Variants in ARID3A observed in about 807,000 individuals in gnomAD.
ARID3A encodes the protein AT-rich interactive domain-containing protein 3A.
In ARID3A, 11 loss-of-function variants were observed where a neutral mutation model predicts 52.7. The ratio of observed to expected loss-of-function variants is 0.21; its 90% CI spans 0.13 to 0.35. The LOEUF (loss-of-function observed/expected upper bound fraction) is 0.35. Ranked by LOEUF, ARID3A falls within the 10% of genes least tolerant of loss-of-function variation. ARID3A has a pLI of 1.00. For missense variants in ARID3A, 721 were observed against 838.5 expected (o/e 0.86, Z 1.73); for synonymous variants, 404 against 359.4 (o/e 1.12, Z -1.40).
At chr19:948,702 C>CTT (rs35592836) in intron 3 of ARID3A, among the ~76,000 whole-genome samples, 2,416 of 77,106 alleles carry the variant, frequency 0.031, 70 homozygotes, top group Admixed American at 0.051. Context: ...GGCCTGGAGT[C>CTT]TTTTTTTTTT....
chr19:950,617 G>A (rs944010919), intron 3 of ARID3A, among the ~76,000 whole-genome samples: 1 of 152,186 alleles, frequency 6.6e-6, no homozygotes, highest in Admixed American at 6.5e-5. Context: ...GAGCAGTAGG[G>A]AGCCACGGTT....
At chr19:930,602 C>G (rs140069627) in intron 2 of ARID3A, among the ~76,000 whole-genome samples, 1 of 149,796 alleles carries the variant, frequency 6.7e-6, no homozygotes, top group East Asian at 2.1e-4. Flanking sequence ...CTCCTCCTCC[C>G]GGGTTCACAC....
rs925555119 is a variant in ARID3A at position 930,782 on chromosome 19, T to G, written c.368+886T>G. 5.2e-4 allele frequency among the ~76,000 whole-genome samples: 78 copies of G among 151,048 alleles called. 1 individual carries two copies. Among genetic ancestry groups the G allele is most frequent in the South Asian group, 3.0e-3 (14 of 4,660 alleles). ...CCTTGGCCTCCCAAAGTGCTGGGAT[T>G]ACAGGCGTGAGCCACCACACCCGGC... On this transcript the variant is annotated intron_variant, in intron 2 of 8. Coordinates refer to ENST00000263620, the MANE Select transcript of ARID3A (RefSeq NM_005224.3).
In ARID3A at chr19:959,991, C is replaced by G; in HGVS notation, c.694-101C>G. ...CTTGAGGGTCCTAGGGGTGGTGACC[C>G]CTGCTCCTGTCCTCCTGACCTGGCC... On this transcript the variant is annotated intron_variant, in intron 3 of 8. Transcript: ENST00000263620. This position sits in a 1 kb window ranked among gnomAD's most constrained non-coding sequence, Gnocchi z 5.0. The G allele has an allele frequency of 9.6e-7, 1 of 1,036,764 alleles. No homozygotes were observed. The highest frequency in any genetic ancestry group is 1.4e-6 in the Non-Finnish European group (1 of 710,458). The allele number at this position is 1,036,764 out of a possible 1,614,324, so 64.2% of individuals were successfully genotyped here.
intron 3 of ARID3A, among the ~76,000 whole-genome samples, chr19:949,575 GC>G (rs1356493575): frequency 6.6e-6 from 1 of 152,024 alleles, no homozygotes; most frequent in Non-Finnish European, 1.5e-5. Context: ...CTCCCAAAGT[GC>G]TGGGATTATA....
chr19:946,064 G>A (rs2037672513), intron 3 of ARID3A, among the ~76,000 whole-genome samples: 1 of 151,910 alleles, frequency 6.6e-6, no homozygotes, highest in Non-Finnish European at 1.5e-5. Context: ...GCTCGCGGAG[G>A]CAGGGGCCCG....
Position 973,484 on chromosome 19 carries a change from C to T in ARID3A, c.*1419C>T, listed in dbSNP as rs894131803. ...CCTGGGGGGCGGGGGTGGTTCTTGT[C>T]GAAGCCCCCAGGCTCCTGTCTCAGG... On this transcript the variant is annotated 3_prime_UTR_variant, in exon 9 of 9. Coordinates refer to ENST00000263620, the MANE Select transcript of ARID3A (RefSeq NM_005224.3). 2.3e-5 allele frequency: 5 copies of T among 215,080 alleles called. No individual in the cohort carries two copies. The highest frequency in any genetic ancestry group is 1.2e-4 in the Admixed American group (2 of 17,062). The allele number at this position is 215,080 out of a possible 1,614,324, so 13.3% of individuals were successfully genotyped here.
At chr19:943,999 T>C (rs900603307) in intron 3 of ARID3A, among the ~76,000 whole-genome samples, 4 of 151,092 alleles carry the variant, frequency 2.6e-5, no homozygotes, top group African/African-American at 9.8e-5. Flanking sequence ...GACCCTCTCA[T>C]GGGCACTTAT....
At chr19:933,076 T>C (rs2037367452) in intron 3 of ARID3A, among the ~76,000 whole-genome samples, 1 of 151,976 alleles carries the variant, frequency 6.6e-6, no homozygotes, top group Middle Eastern at 3.2e-3. Context: ...GGGCTTGGGT[T>C]GGAGGAACCA....
chr19:945,025 G>C (rs917299831), intron 3 of ARID3A, among the ~76,000 whole-genome samples: 1 of 152,180 alleles, frequency 6.6e-6, no homozygotes, highest in African/African-American at 2.4e-5. Flanking sequence ...CTCTGCCCTA[G>C]CTGGCGCCCT....
intron 3 of ARID3A, among the ~76,000 whole-genome samples, chr19:950,023 TCCCCA>T (rs2037771257): frequency 6.6e-6 from 1 of 150,622 alleles, no homozygotes; most frequent in East Asian, 2.0e-4. Flanking sequence ...AAAGAGGCCG[TCCCCA>T]GAGTGAACGG....
intron 3 of ARID3A, among the ~76,000 whole-genome samples, chr19:939,631 C>T (rs994816489): frequency 1.3e-5 from 2 of 152,040 alleles, no homozygotes; most frequent in Admixed American, 6.6e-5. Context: ...AGGTTCCTCC[C>T]GCCGCTGCCT....
rs764237949 is a variant in ARID3A, at chr19:968,396, T to C, written c.1496-9T>C. The C allele has an allele frequency of 1.9e-6, 3 of 1,603,942 alleles. No homozygotes were observed. The highest frequency in any genetic ancestry group is 4.5e-5 in the East Asian group (2 of 44,830). On this transcript the variant is annotated splice_polypyrimidine_tract_variant and intron_variant, in intron 7 of 8. Coordinates refer to ENST00000263620, the MANE Select transcript of ARID3A (RefSeq NM_005224.3). ...AAAAAAAGAAACTAATTTGTTCTTC[T>C]TCCCACAGCCTCCGAAAGCCGCCAG...
At chr19:930,747 G>A (rs1479876404) in intron 2 of ARID3A, among the ~76,000 whole-genome samples, 1 of 150,984 alleles carries the variant, frequency 6.6e-6, no homozygotes, top group Non-Finnish European at 1.5e-5. Context: ...CTGACCTCAT[G>A]ATCTGCCTGC....
chr19:968,608 C>T (rs998535322), intron 8 of ARID3A, 105 bp downstream of exon 8: 23 of 1,068,960 alleles, frequency 2.2e-5, no homozygotes, highest in African/African-American at 6.3e-5. Flanking sequence ...CCTAGGTGTG[C>T]GGGCGAGCAG....
intron 3 of ARID3A, among the ~76,000 whole-genome samples, chr19:939,352 C>T (rs919767493): frequency 1.3e-5 from 2 of 152,110 alleles, no homozygotes; most frequent in African/African-American, 4.8e-5. Flanking sequence ...TTCCTGACCT[C>T]GTGATCTGCC....
At chr19:935,509 ACT>A (rs1220958775) in intron 3 of ARID3A, among the ~76,000 whole-genome samples, 6 of 152,000 alleles carry the variant, frequency 3.9e-5, no homozygotes. Flanking sequence ...GCAGGGTCTT[ACT>A]CTGTCGGGTA....
chr19:930,979 G>T (rs747187017), intron 2 of ARID3A, among the ~76,000 whole-genome samples: 6 of 152,058 alleles, frequency 3.9e-5, no homozygotes, highest in Admixed American at 1.3e-4. Context: ...CCAGGAACCC[G>T]CATCTTCCTG....
In ARID3A at chr19:968,460, C is replaced by G. The variant is rs1022065150; in HGVS notation, c.1551C>G (p.Asn517Lys). The G allele has an allele frequency of 1.9e-6, 3 of 1,613,980 alleles. No homozygotes were observed. In the Admixed American group the frequency reaches 5.0e-5, roughly 27 times the overall value. The change falls in exon 8 of 9, where the codon AAC becomes AAG. Residue 517 changes from asparagine (N) to lysine (K), a missense_variant. By Grantham distance (94) the Asn-to-Lys change is moderately conservative (BLOSUM62 0). Transcript: ENST00000263620. ...AVNLTGTNGS[N>K]SISMSVEING... ...ACCTGACGGGCACCAACGGCAGCAA[C>G]AGCATCAGCATGTCGGTGGAGATCA...
Sources: allele counts gnomAD v4.1 joint callset (sites outside exome capture counted in the v4.1 genomes callset), GRCh38; gene constraint gnomAD v4.1.1; non-coding constraint Gnocchi (gnomAD v3.1); transcripts MANE v1.5; gene names NCBI Gene and HGNC (gene_info 2026-07-23, HGNC 2026-07-21).